The following RFC3 variants were observed in gnomAD, a reference collection of about 807,000 sequenced individuals.
The protein encoded by RFC3 is A1 38 kDa subunit.
RFC3 carries 41 observed loss-of-function variants against 45.1 expected under a neutral mutation model. The observed-to-expected ratio is 0.91, with a 90% CI of 0.71 to 1.18. The LOEUF is 1.18. RFC3 is among the 50% of genes most tolerant of loss of function. RFC3 has a pLI of 0.00. For missense variants in RFC3, 423 were observed against 428.1 expected, an observed-to-expected ratio of 0.99 and a Z score of 0.10; for synonymous variants, 149 against 144.0, an observed-to-expected ratio of 1.03 and a Z score of -0.25.
At chr13:33,918,048 A>G (rs948377880) in intron 8 of RFC3, among the ~76,000 whole-genome samples, 9 of 152,084 alleles carry the variant, frequency 5.9e-5, no homozygotes, top group Admixed American at 3.3e-4. Flanking sequence ...AGGGGTTCCT[A>G]TTACAGTTGA....
At chr13:33,906,498 C>T (rs543722932) in intron 8 of RFC3, among the ~76,000 whole-genome samples, 53 of 140,128 alleles carry the variant, frequency 3.8e-4, no homozygotes, top group African/African-American at 1.6e-3. Context: ...TCCATGAAGA[C>T]GCAAGTCTCA....
intron 3 of RFC3, 49 bp from the exon 4 acceptor site, chr13:33,825,740 A>G: frequency 9.9e-7 from 1 of 1,013,098 alleles, no homozygotes; most frequent in Non-Finnish European, 1.4e-6. Flanking sequence ...TTTTCTTATA[A>G]TAACAATATT....
At chr13:33,885,205 A>G (rs952542957) in intron 8 of RFC3, among the ~76,000 whole-genome samples, 16 of 152,230 alleles carry the variant, frequency 1.1e-4, no homozygotes, top group Admixed American at 9.2e-4. Context: ...ATGGAATTCT[A>G]TCATGGTATC....
intron 8 of RFC3, among the ~76,000 whole-genome samples, chr13:33,947,975 C>T (rs1206562627): frequency 6.6e-6 from 1 of 152,158 alleles, no homozygotes; most frequent in Non-Finnish European, 1.5e-5. Context: ...GAAAAGAAAA[C>T]CCCATTTTCT....
intron 1 of RFC3, among the ~76,000 whole-genome samples, chr13:33,819,519 C>T (rs1265107424): frequency 1.3e-5 from 2 of 151,864 alleles, no homozygotes; most frequent in East Asian, 1.9e-4. Flanking sequence ...AGATTGTACA[C>T]GTAAAAATCA....
At chr13:33,917,792 G>C (rs956722195) in intron 8 of RFC3, among the ~76,000 whole-genome samples, 3 of 151,908 alleles carry the variant, frequency 2.0e-5, no homozygotes, top group Non-Finnish European at 4.4e-5. Context: ...AATGAAAAGA[G>C]ACCCTTTTGT....
At chr13:33,869,425 G>C (rs1214924997) in intron 8 of RFC3, among the ~76,000 whole-genome samples, 1 of 150,718 alleles carries the variant, frequency 6.6e-6, no homozygotes, top group Non-Finnish European at 1.5e-5. Flanking sequence ...GGGCATGATT[G>C]TTGTTTTGTT....
chr13:33,853,017 A>C (rs1182660096), intron 8 of RFC3, among the ~76,000 whole-genome samples: 1 of 152,152 alleles, frequency 6.6e-6, no homozygotes, highest in Admixed American at 6.6e-5. Context: ...GCCACTTTTA[A>C]ACTGCAAGGC....
intron 3 of RFC3, among the ~76,000 whole-genome samples, chr13:33,824,459 A>C (rs1281014222): frequency 6.6e-6 from 1 of 152,162 alleles, no homozygotes; most frequent in African/African-American, 2.4e-5. Flanking sequence ...TGCAGTAATA[A>C]GAATTAGGAA....
intron 8 of RFC3, among the ~76,000 whole-genome samples, chr13:33,868,271 T>A (rs1287418516): frequency 6.6e-6 from 1 of 152,100 alleles, no homozygotes; most frequent in Non-Finnish European, 1.5e-5. Context: ...TGAGTCTTGG[T>A]GGAAGGGAGG....
chr13:33,974,626 AT>A, the RFC3 span, among the ~76,000 whole-genome samples: 1 of 152,242 alleles, frequency 6.6e-6, no homozygotes, highest in South Asian at 2.1e-4. Context: ...AAGTAAGAAT[AT>A]GCAATGTCAA....
the RFC3 span, among the ~76,000 whole-genome samples, chr13:33,974,735 G>A: frequency 2.6e-5 from 4 of 152,304 alleles, no homozygotes; most frequent in East Asian, 1.9e-4. Context: ...TGTAGACACT[G>A]TACTGAAGAA....
rs2082164089 is a variant in RFC3 at position 33,837,292 on chromosome 13, AT to A, written c.*1000del. The A allele has an allele frequency of 6.6e-6, 1 of 152,248 alleles. No individual in the cohort carries two copies. The highest frequency in any genetic ancestry group is 2.1e-4 in the South Asian group (1 of 4,834). The allele number at this position is 152,248 out of a possible 1,614,324, so 9.4% of individuals were successfully genotyped here. A position where few individuals can be genotyped will look rare whatever the true frequency, so the allele number is the denominator to read the frequency against. On this transcript the variant is annotated 3_prime_UTR_variant, in exon 9 of 9. Coordinates refer to ENST00000380071, the MANE Select transcript of RFC3 (RefSeq NM_002915.4). ...ATAGATGAGTTTTGCCAGTTCAAGA[AT>A]TTAATGGAATCAGATATTGTAAGCA...
At chr13:33,894,609 G>A (rs576180724) in intron 8 of RFC3, among the ~76,000 whole-genome samples, 8 of 152,250 alleles carry the variant, frequency 5.3e-5, no homozygotes, top group South Asian at 2.1e-4. Context: ...AAAAGCTCCA[G>A]TTGCTGTCAC....
chr13:33,939,083 G>A (rs1174152607), intron 8 of RFC3, among the ~76,000 whole-genome samples: 1 of 151,948 alleles, frequency 6.6e-6, no homozygotes, highest in Non-Finnish European at 1.5e-5. Context: ...GGCATGCTAA[G>A]GTGTTTTGCC....
At position 33,836,656 on chromosome 13, in the gene RFC3, T is replaced by A. The variant is rs905692068; in HGVS notation, c.*361T>A. Reference sequence around the variant, plus strand: ...CAAAGATTATTTTCATTTATCCAGATGACCATTTTCTGCCACAGGTAACAT... The same window carrying A: ...CAAAGATTATTTTCATTTATCCAGAAGACCATTTTCTGCCACAGGTAACAT... On this transcript the variant is annotated 3_prime_UTR_variant, in exon 9 of 9. Coordinates refer to ENST00000380071, the MANE Select transcript of RFC3 (RefSeq NM_002915.4). 5.0e-6 allele frequency: 5 copies of A among 993,054 alleles called. No homozygotes were observed. The highest frequency in any genetic ancestry group is 6.0e-6 in the Non-Finnish European group (5 of 834,854). 61.5% of individuals were successfully genotyped at this position (993,054 alleles called of 1,614,324 possible). A position where few individuals can be genotyped will look rare whatever the true frequency, so the allele number is the denominator to read the frequency against.
intron 8 of RFC3, among the ~76,000 whole-genome samples, chr13:33,922,990 A>G (rs2137739633): frequency 6.6e-6 from 1 of 152,236 alleles, no homozygotes; most frequent in Non-Finnish European, 1.5e-5. Context: ...TATTGAGTGT[A>G]GACTCCCAGG....
chr13:33,968,123 A>G (rs896030895), downstream of RFC3, among the ~76,000 whole-genome samples: 16 of 152,104 alleles, frequency 1.1e-4, no homozygotes, highest in African/African-American at 3.1e-4. Flanking sequence ...CTCTAGTGCA[A>G]TAGGCATTTA....
At chr13:33,970,397 A>AAT (rs2083105152), downstream of RFC3, among the ~76,000 whole-genome samples, 1 of 152,222 alleles carries the variant, frequency 6.6e-6, no homozygotes, top group Non-Finnish European at 1.5e-5. Flanking sequence ...AATGAACATA[A>AAT]ACATGCATGT....
Sources: gnomAD v4.1 joint callset for allele counts (sites outside exome capture counted in the v4.1 genomes callset) on GRCh38, gnomAD v4.1.1 for gene constraint, MANE v1.5 for transcripts, NCBI Gene and HGNC (gene_info 2026-07-23, HGNC 2026-07-21) for gene names.